Variants in BRINP3 observed in about 807,000 individuals in gnomAD.
BRINP3 encodes BMP/retinoic acid inducible neural specific 3.
A neutral mutation model predicts 71.0 loss-of-function variants in BRINP3; 19 were observed. The ratio of observed to expected loss-of-function variants is 0.27; its 90% confidence interval spans 0.19 to 0.39. BRINP3 has a LOEUF of 0.39. Among genes scored for constraint, BRINP3 ranks in the 10% least tolerant of loss-of-function variants. BRINP3 has a pLI of 1.00. For missense variants in BRINP3, 959 were observed against 940.8 expected, an observed-to-expected ratio of 1.02 and a Z score of -0.25; for synonymous variants, 380 against 337.7, an observed-to-expected ratio of 1.13 and a Z score of -1.37.
At chr1:190,403,913 T>C (rs575192175) in intron 2 of BRINP3, among the ~76,000 whole-genome samples, 1 of 152,292 alleles carries the variant, frequency 6.6e-6, no homozygotes, top group African/African-American at 2.4e-5. Context: ...TTGGCTCAGA[T>C]AGCAATGTGT....
chr1:190,281,702 A>G lies in BRINP3; in HGVS notation c.285T>C (p.Asn95=), dbSNP rs1185450892. The G allele has an allele frequency of 6.2e-7, 1 of 1,612,680 alleles. No individual in the cohort carries two copies. Among genetic ancestry groups the G allele is most frequent in the East Asian group, 2.2e-5 (1 of 44,824 alleles). ...KVNNLAVERR[N]FLGSPLPLAP... ...CAAGAGGCAGAGGAGAGCCAAGGAA[A>G]TTTCTTCTCTCAACTGCAAGGTTAT... is the stretch of plus-strand genomic sequence containing the variant. Residue 95 remains asparagine, a synonymous_variant, in exon 3 of 8, where the codon AAT becomes AAC. Transcript: ENST00000367462.
chr1:190,251,041 A>AC (rs1660090708), intron 4 of BRINP3, among the ~76,000 whole-genome samples: 1 of 151,748 alleles, frequency 6.6e-6, no homozygotes, highest in Non-Finnish European at 1.5e-5. Context: ...ACACACTGAG[A>AC]CCCCATCTCT....
intron 6 of BRINP3, among the ~76,000 whole-genome samples, chr1:190,187,200 C>G (rs751680953): frequency 1.2e-4 from 18 of 152,026 alleles, no homozygotes; most frequent in Admixed American, 4.6e-4. Context: ...ATTTAGGTCC[C>G]TTTTTCCCAA....
chr1:190,323,575 C>A (rs1165254278), intron 2 of BRINP3, among the ~76,000 whole-genome samples: 1 of 148,134 alleles, frequency 6.8e-6, no homozygotes, highest in Non-Finnish European at 1.5e-5. Context: ...ATGTCTACCT[C>A]AGAAACATGC....
chr1:190,167,884 GA>G (rs1462353203), intron 6 of BRINP3, among the ~76,000 whole-genome samples: 18 of 152,076 alleles, frequency 1.2e-4, no homozygotes, highest in African/African-American at 4.1e-4. Context: ...TTTATTGGAG[GA>G]AAAAGCATTA....
chr1:190,338,778 G>T (rs1004364163), intron 2 of BRINP3, among the ~76,000 whole-genome samples: 1 of 151,746 alleles, frequency 6.6e-6, no homozygotes, highest in African/African-American at 2.4e-5. Flanking sequence ...TTTAATGTAA[G>T]ATAATGTAAT....
intron 2 of BRINP3, among the ~76,000 whole-genome samples, chr1:190,379,123 T>C (rs942246744): frequency 6.6e-6 from 1 of 152,086 alleles, no homozygotes; most frequent in Non-Finnish European, 1.5e-5. Flanking sequence ...CTGAAAACAA[T>C]ATACAAAAGA....
chr1:190,208,811 G>A (rs958024554), intron 6 of BRINP3, among the ~76,000 whole-genome samples: 8 of 151,916 alleles, frequency 5.3e-5, no homozygotes, highest in Non-Finnish European at 1.5e-5. Flanking sequence ...ACCTACTTTT[G>A]TATGAGCTCA....
At chr1:190,168,104 A>C (rs1309214254) in intron 6 of BRINP3, among the ~76,000 whole-genome samples, 5 of 152,160 alleles carry the variant, frequency 3.3e-5, no homozygotes, top group African/African-American at 1.2e-4. Context: ...AGATAGTTCA[A>C]TGTGCTACTT....
At chr1:190,153,327 A>T (rs1006323138) in intron 7 of BRINP3, among the ~76,000 whole-genome samples, 2 of 152,156 alleles carry the variant, frequency 1.3e-5, no homozygotes, top group Non-Finnish European at 1.5e-5. Context: ...TTTTGCAGAA[A>T]ATTTATGAGT....
chr1:190,181,140 A>G (rs1222774091), intron 6 of BRINP3, among the ~76,000 whole-genome samples: 1 of 152,108 alleles, frequency 6.6e-6, no homozygotes, highest in Non-Finnish European at 1.5e-5. Context: ...AGTGTAATAC[A>G]CATGAAATCA....
chr1:190,423,578 G>A (rs564839919), intron 2 of BRINP3, among the ~76,000 whole-genome samples: 66 of 151,686 alleles, frequency 4.4e-4, no homozygotes, highest in African/African-American at 1.4e-3. Flanking sequence ...AAAATGTTGC[G>A]AATTACTTTA....
At chr1:190,467,100 C>T (rs1571391462) in intron 1 of BRINP3, among the ~76,000 whole-genome samples, 1 of 151,626 alleles carries the variant, frequency 6.6e-6, no homozygotes, top group East Asian at 1.9e-4. Context: ...ATGCATTATT[C>T]ATTGACTTTT....
At chr1:190,460,968 G>A (rs552495440) in intron 1 of BRINP3, among the ~76,000 whole-genome samples, 2 of 152,190 alleles carry the variant, frequency 1.3e-5, no homozygotes, top group South Asian at 4.1e-4. Context: ...CCTCTAAAAT[G>A]TATTACTGCA....
intron 2 of BRINP3, among the ~76,000 whole-genome samples, chr1:190,365,049 T>TA (rs1669393463): frequency 6.6e-6 from 1 of 152,178 alleles, no homozygotes; most frequent in African/African-American, 2.4e-5. Context: ...AGGTTGTTTT[T>TA]ATCCCTAAAA....
chr1:190,412,072 G>A (rs1363567565), intron 2 of BRINP3, among the ~76,000 whole-genome samples: 1 of 151,874 alleles, frequency 6.6e-6, no homozygotes, highest in Non-Finnish European at 1.5e-5. Context: ...CATGAAATCT[G>A]GGATTGAATA....
chr1:190,332,708 C>A (rs149081000), intron 2 of BRINP3, among the ~76,000 whole-genome samples: 1 of 152,104 alleles, frequency 6.6e-6, no homozygotes, highest in East Asian at 1.9e-4. Flanking sequence ...ATGTCCAAGG[C>A]AAGGCATGTT....
intron 1 of BRINP3, among the ~76,000 whole-genome samples, chr1:190,469,766 T>G (rs1032482662): frequency 3.3e-5 from 5 of 150,984 alleles, no homozygotes; most frequent in South Asian, 2.1e-4. Flanking sequence ...AACATTAAAT[T>G]GAATATTTAA....
At chr1:190,477,263 A>G (rs185007534) in intron 1 of BRINP3, among the ~76,000 whole-genome samples, 185 bp downstream of exon 1, 30 of 152,316 alleles carry the variant, frequency 2.0e-4, no homozygotes, top group Non-Finnish European at 8.8e-5. Context: ...TTGGGGTAAT[A>G]CATTACATGG....
Sources: gnomAD v4.1 joint callset for allele counts (sites outside exome capture counted in the v4.1 genomes callset) on GRCh38, gnomAD v4.1.1 for gene constraint, MANE v1.5 for transcripts, NCBI Gene and HGNC (gene_info 2026-07-23, HGNC 2026-07-21) for gene names.